PIP5K1B: variants seen among roughly 807,000 people sequenced by gnomAD.
The protein encoded by PIP5K1B is phosphatidylinositol 4-phosphate 5-kinase type-1 beta.
PIP5K1B carries 42 observed loss-of-function variants against 67.0 expected under a neutral mutation model. The observed-to-expected ratio is 0.63, with a 90% CI of 0.49 to 0.81. The LOEUF is 0.81. Ranked by LOEUF, PIP5K1B falls within the 30% of genes least tolerant of loss-of-function variation. PIP5K1B has a pLI of 0.00. For synonymous variants in PIP5K1B, 214 were observed against 231.4 expected, an observed-to-expected ratio of 0.92 and a Z score of 0.68; for missense variants, 459 against 646.3, an observed-to-expected ratio of 0.71 and a Z score of 3.14.
intron 7 of PIP5K1B, among the ~76,000 whole-genome samples, chr9:68,890,424 A>G (rs1277787756): frequency 6.6e-6 from 1 of 152,208 alleles, no homozygotes; most frequent in East Asian, 1.9e-4. Context: ...TCAGAAGCCC[A>G]AGTTCTGCCA....
chr9:68,903,548 T>C (rs879675179), intron 8 of PIP5K1B, among the ~76,000 whole-genome samples: 2 of 152,196 alleles, frequency 1.3e-5, no homozygotes, highest in Non-Finnish European at 2.9e-5. Flanking sequence ...ACCACAACTG[T>C]TCAGTAGTCT....
intron 9 of PIP5K1B, among the ~76,000 whole-genome samples, chr9:68,918,508 G>T (rs1027359763): frequency 6.6e-6 from 1 of 152,170 alleles, no homozygotes; most frequent in East Asian, 1.9e-4. Context: ...GTGGTCTCTC[G>T]TCTCAGCCAG....
intron 1 of PIP5K1B, among the ~76,000 whole-genome samples, chr9:68,711,317 CAT>C (rs1335163221): frequency 1.3e-5 from 2 of 152,040 alleles, no homozygotes; most frequent in Admixed American, 6.5e-5. Context: ...ATCACTTGAT[CAT>C]ATGTTTGGTA....
chr9:68,901,292 C>T (rs931178199), intron 8 of PIP5K1B, among the ~76,000 whole-genome samples: 4 of 152,206 alleles, frequency 2.6e-5, no homozygotes, highest in African/African-American at 9.7e-5. Context: ...TGAAGTCTCA[C>T]TCTGCTGCCC....
At chr9:68,876,373 G>A (rs377148628) in intron 5 of PIP5K1B, among the ~76,000 whole-genome samples, 2 of 152,186 alleles carry the variant, frequency 1.3e-5, no homozygotes, top group African/African-American at 4.8e-5. Context: ...GCATTACAAT[G>A]TGGTTACACT....
rs780469177 is a variant in PIP5K1B, at chr9:68,923,251, G to T, written c.1117-51G>T. ...ATTGCATAGATCTCTCTTCTGACTT[G>T]AGATGAACATTAAGAGGTGACCCTG... On this transcript the variant is annotated intron_variant, in intron 11 of 15. Transcript: ENST00000265382. 64 of 974,674 alleles carry T rather than the reference G, an allele frequency of 6.6e-5. 1 individual carries two copies. The Admixed American group carries it at 1.2e-3, about 18-fold the overall frequency. 60.4% of individuals were successfully genotyped at this position (974,674 alleles called of 1,614,324 possible). A position where few individuals can be genotyped will look rare whatever the true frequency, so the allele number is the denominator to read the frequency against.
chr9:68,999,638 G>A (rs1033094259), intron 15 of PIP5K1B, among the ~76,000 whole-genome samples: 1 of 151,980 alleles, frequency 6.6e-6, no homozygotes, highest in Non-Finnish European at 1.5e-5. Flanking sequence ...TCAGCTCTGA[G>A]CATCCTGGAA....
At chr9:68,841,042 C>T (rs1378850093) in intron 4 of PIP5K1B, among the ~76,000 whole-genome samples, 1 of 152,162 alleles carries the variant, frequency 6.6e-6, no homozygotes, top group Non-Finnish European at 1.5e-5. Flanking sequence ...ACATCACTGT[C>T]TCAGGTCTGT....
intron 8 of PIP5K1B, among the ~76,000 whole-genome samples, chr9:68,903,799 G>A (rs1825480045): frequency 6.6e-6 from 1 of 152,212 alleles, no homozygotes; most frequent in Non-Finnish European, 1.5e-5. Flanking sequence ...TTGGTGGAGA[G>A]AGGGTTCCAT....
intron 6 of PIP5K1B, among the ~76,000 whole-genome samples, chr9:68,882,450 G>A (rs1442403449): frequency 4.6e-5 from 7 of 152,040 alleles, no homozygotes; most frequent in Non-Finnish European, 1.0e-4. Context: ...ATGTATAAAT[G>A]ACATAATAAA....
At chr9:68,964,814 C>T (rs1037675764) in intron 14 of PIP5K1B, among the ~76,000 whole-genome samples, 1 of 152,306 alleles carries the variant, frequency 6.6e-6, no homozygotes, top group African/African-American at 2.4e-5. Flanking sequence ...TCCTTGTAAA[C>T]GCTGCAATTC....
intron 2 of PIP5K1B, among the ~76,000 whole-genome samples, chr9:68,809,809 GT>G (rs1833064292): frequency 1.3e-5 from 2 of 152,170 alleles, no homozygotes. Context: ...GACTTATGCA[GT>G]TCCTCCTCCA....
intron 13 of PIP5K1B, among the ~76,000 whole-genome samples, chr9:68,937,314 C>G (rs542916733): frequency 1.3e-5 from 2 of 152,156 alleles, no homozygotes; most frequent in African/African-American, 4.8e-5. Context: ...TTCAGGGATT[C>G]GACTTCTTCC....
intron 9 of PIP5K1B, 44 bp downstream of exon 9, chr9:68,917,803 C>A: frequency 7.2e-7 from 1 of 1,394,118 alleles, no homozygotes; most frequent in Non-Finnish European, 1.0e-6. Flanking sequence ...ACTGTGGCAG[C>A]CCACGTCACT....
At chr9:68,947,261 T>A (rs1359642106) in intron 14 of PIP5K1B, among the ~76,000 whole-genome samples, 3 of 152,182 alleles carry the variant, frequency 2.0e-5, no homozygotes, top group Admixed American at 6.5e-5. Flanking sequence ...CACCATGAGC[T>A]CTGCCACGAT....
At chr9:68,987,139 T>C (rs1405010085) in intron 14 of PIP5K1B, among the ~76,000 whole-genome samples, 1 of 152,060 alleles carries the variant, frequency 6.6e-6, no homozygotes, top group Non-Finnish European at 1.5e-5. Context: ...GTAATCTCAT[T>C]TACTCAGGAG....
intron 14 of PIP5K1B, among the ~76,000 whole-genome samples, chr9:68,968,716 T>TA (rs1380060044): frequency 1.3e-3 from 151 of 120,164 alleles, no homozygotes; most frequent in African/African-American, 4.6e-3. Context: ...TATATATATA[T>TA]TTTTTTTTTG....
intron 2 of PIP5K1B, among the ~76,000 whole-genome samples, chr9:68,749,420 C>G (rs2132344540): frequency 6.6e-6 from 1 of 152,314 alleles, no homozygotes; most frequent in Non-Finnish European, 1.5e-5. Flanking sequence ...GAGCATGACC[C>G]TGCCAGCACC....
At chr9:68,847,357 AAGGG>A (rs149754182) in intron 4 of PIP5K1B, among the ~76,000 whole-genome samples, 3,238 of 147,872 alleles carry the variant, frequency 0.022, 70 homozygotes, top group East Asian at 0.11. Flanking sequence ...CCACCTTTTT[AAGGG>A]AGTTATAATC....
Sources: gnomAD v4.1 joint callset for allele counts (sites outside exome capture counted in the v4.1 genomes callset) on GRCh38, gnomAD v4.1.1 for gene constraint, MANE v1.5 for transcripts, NCBI Gene and HGNC (gene_info 2026-07-23, HGNC 2026-07-21) for gene names.